Variants in LUC7L3 observed in about 807,000 individuals in gnomAD.
LUC7L3 encodes LUC7 like 3 pre-mRNA splicing factor, also known as luc7-like protein 3.
A neutral mutation model predicts 66.8 loss-of-function variants in LUC7L3; 6 were observed. The observed-to-expected ratio is 0.09, with a 90% confidence interval of 0.05 to 0.18. LUC7L3 has a LOEUF of 0.18. LUC7L3 is among the 10% of genes least tolerant of loss of function. The pLI, the probability that LUC7L3 is intolerant of heterozygous loss-of-function variation, is 1.00. For synonymous variants in LUC7L3, 160 were observed against 174.7 expected (o/e 0.92, Z 0.66); for missense variants, 341 against 531.1 (o/e 0.64, Z 3.52).
At position 50,754,743 on chromosome 17, in the gene LUC7L3, C is replaced by G. The variant is rs1340685921; in HGVS notation, c.*4082C>G. ...AGCTTATAATAACCTAGTCATATTG[C>G]TCAGCTCAGATATTTTTACTCCCTC... is the stretch of plus-strand genomic sequence containing the variant. On this transcript the variant is annotated 3_prime_UTR_variant, in exon 10 of 10. Transcript: ENST00000505658. 6.6e-6 allele frequency: 1 copy of G among 152,022 alleles called. No individual in the cohort carries two copies. Among genetic ancestry groups the G allele is most frequent in the East Asian group, 1.9e-4 (1 of 5,190 alleles). 9.4% of individuals were successfully genotyped at this position (152,022 alleles called of 1,614,324 possible).
intron 2 of LUC7L3, among the ~76,000 whole-genome samples, chr17:50,739,146 A>C (rs1970183505): frequency 6.6e-6 from 1 of 152,226 alleles, no homozygotes; most frequent in Non-Finnish European, 1.5e-5. Flanking sequence ...AGAAAAAACA[A>C]GAGATCCAGT....
intron 2 of LUC7L3, among the ~76,000 whole-genome samples, chr17:50,737,712 C>T (rs1970066354): frequency 6.6e-6 from 1 of 152,048 alleles, no homozygotes; most frequent in Non-Finnish European, 1.5e-5. Flanking sequence ...CAGATGTCCC[C>T]CAGGATGCAA....
chr17:50,724,381 C>T (rs1029384846), intron 1 of LUC7L3, among the ~76,000 whole-genome samples: 2 of 151,850 alleles, frequency 1.3e-5, no homozygotes, highest in African/African-American at 2.4e-5. Flanking sequence ...ATTAGCTGGG[C>T]GTAGTGGTGC....
Position 50,735,591 on chromosome 17 carries a change from G to A in LUC7L3, c.100-1369G>A, listed in dbSNP as rs562004224. On this transcript the variant is annotated intron_variant, in intron 1 of 9. Transcript: ENST00000505658. ...CACAATCATGGCTCATTGCAGCCTC[G>A]ACCTCCCAGGCTCAAGCAATCCTTC... is the stretch of plus-strand genomic sequence containing the variant. Among the ~76,000 whole-genome samples the A allele has an allele frequency of 1.1e-3, 164 of 151,564 alleles. 2 individuals carry two copies. The highest frequency in any genetic ancestry group is 3.5e-3 in the African/African-American group (145 of 41,300).
chr17:50,723,793 C>G, intron 1 of LUC7L3: 2 of 339,374 alleles, frequency 5.9e-6, no homozygotes, highest in Non-Finnish European at 1.2e-5. Flanking sequence ...TGGGCCACCA[C>G]GCCCGGCTAA....
At chr17:50,729,031 A>G (rs77378727) in intron 1 of LUC7L3, among the ~76,000 whole-genome samples, 4,325 of 152,346 alleles carry the variant, frequency 0.028, 227 homozygotes, top group African/African-American at 0.099. Context: ...GAAATGACAT[A>G]TAACAAAAGT....
intron 9 of LUC7L3, 68 bp downstream of exon 9, chr17:50,746,770 T>A: frequency 7.1e-7 from 1 of 1,407,892 alleles, no homozygotes; most frequent in Middle Eastern, 1.9e-4. Context: ...CTCACTTTTC[T>A]CCAGACACAG....
intron 1 of LUC7L3, among the ~76,000 whole-genome samples, chr17:50,726,811 C>T (rs1469939910): frequency 6.6e-6 from 1 of 152,080 alleles, no homozygotes; most frequent in Non-Finnish European, 1.5e-5. Flanking sequence ...AGTATATAGC[C>T]AGGCACGGTG....
chr17:50,736,755 A>G, intron 1 of LUC7L3: 1 of 496,868 alleles, frequency 2.0e-6, no homozygotes, highest in Non-Finnish European at 3.5e-6. Flanking sequence ...AATACTAGTA[A>G]TACGAGTACT....
At chr17:50,741,536 T>C (rs1221299579) in intron 4 of LUC7L3, 121 bp from the exon 5 acceptor site, 1 of 636,022 alleles carries the variant, frequency 1.6e-6, no homozygotes. Context: ...ATAATTGAAT[T>C]ACTATCCTTT....
intron 2 of LUC7L3, among the ~76,000 whole-genome samples, chr17:50,739,947 AAAT>A (rs1970239983): frequency 6.6e-6 from 1 of 152,208 alleles, no homozygotes; most frequent in African/African-American, 2.4e-5. Context: ...ACAGATTTGA[AAAT>A]AATAAAGTCG....
Position 50,750,521 on chromosome 17 carries a change from A to C in LUC7L3, c.1159A>C (p.Lys387Gln). 6.2e-7 allele frequency: 1 copy of C among 1,612,970 alleles called. No homozygotes were observed. The highest frequency in any genetic ancestry group is 8.5e-7 in the Non-Finnish European group (1 of 1,179,292). The change falls in exon 10 of 10, where the codon AAA (lysine) becomes CAA (glutamine). Residue 387 changes from lysine (K) to glutamine (Q), a missense_variant. Lys to Gln is a moderately conservative substitution (Grantham distance 53). Coordinates refer to ENST00000505658, the MANE Select transcript of LUC7L3 (RefSeq NM_016424.5). ...GGCAGAAAAGAGGGGATCTGATGAT[A>C]AAAAAAGTAGTGTGAAGTCCGGTAG... ...KEKEKRGSDD[K>Q]KSSVKSGSRE...
At chr17:50,749,605 TTC>T (rs2143070572) in intron 9 of LUC7L3, among the ~76,000 whole-genome samples, 1 of 152,346 alleles carries the variant, frequency 6.6e-6, no homozygotes, top group African/African-American at 2.4e-5. Flanking sequence ...AGGGTTCTGT[TTC>T]TCTTAAAATG....
At chr17:50,740,741 G>A (rs1970297432) in intron 3 of LUC7L3, among the ~76,000 whole-genome samples, 1 of 152,116 alleles carries the variant, frequency 6.6e-6, no homozygotes, top group Non-Finnish European at 1.5e-5. Context: ...TGTATTTTTA[G>A]TAGAGACAGG....
rs1970983555 is a variant in LUC7L3, at chr17:50,751,773, A to G, written c.*1112A>G. 9.8e-7 allele frequency: 1 copy of G among 1,022,212 alleles called. No homozygotes were observed. The highest frequency in any genetic ancestry group is 1.7e-5 in the African/African-American group (1 of 57,668). 63.3% of individuals were successfully genotyped at this position (1,022,212 alleles called of 1,614,324 possible). On this transcript the variant is annotated 3_prime_UTR_variant, in exon 10 of 10. Transcript: ENST00000505658. ...AAGCAGCAGTGTGAATAGCAAGGACAGACACCTTCAATTTGTGAAATCAAA... is the reference window on the plus strand; with the variant it reads ...AAGCAGCAGTGTGAATAGCAAGGACGGACACCTTCAATTTGTGAAATCAAA...
chr17:50,737,284 A>C (rs1278117390), intron 2 of LUC7L3: 1 of 583,376 alleles, frequency 1.7e-6, no homozygotes, highest in East Asian at 3.8e-5. Flanking sequence ...AAATTTTAAA[A>C]AGATGTATTT....
intron 1 of LUC7L3, among the ~76,000 whole-genome samples, chr17:50,724,755 T>TG (rs1969055330): frequency 9.0e-6 from 1 of 111,190 alleles, no homozygotes; most frequent in Non-Finnish European, 1.9e-5. Context: ...AAATATTTTC[T>TG]CTTTTTTTTT....
intron 3 of LUC7L3, 72 bp from the exon 4 acceptor site, chr17:50,741,030 T>G: frequency 6.8e-7 from 1 of 1,467,498 alleles, no homozygotes; most frequent in Non-Finnish European, 9.5e-7. Flanking sequence ...TTGAGGCTAG[T>G]TAAGATAGAA....
intron 5 of LUC7L3, among the ~76,000 whole-genome samples, chr17:50,742,507 C>T (rs762863400): frequency 2.0e-5 from 3 of 151,940 alleles, no homozygotes; most frequent in South Asian, 2.1e-4. Context: ...TACAGGTGTG[C>T]GCCACCATCC....
Sources: gnomAD v4.1 joint callset for allele counts (sites outside exome capture counted in the v4.1 genomes callset) on GRCh38, gnomAD v4.1.1 for gene constraint, MANE v1.5 for transcripts, NCBI Gene and HGNC (gene_info 2026-07-23, HGNC 2026-07-21) for gene names.